Variants in DNAH6 observed in about 807,000 individuals in gnomAD.
The protein encoded by DNAH6 is dynein axonemal heavy chain 6, also known as axonemal beta dynein heavy chain 6.
DNAH6 carries 340 observed loss-of-function variants against 491.4 expected under a neutral mutation model. The observed-to-expected ratio is 0.69, with a 90% confidence interval of 0.63 to 0.76. The LOEUF is 0.76. Ranked by LOEUF, DNAH6 falls within the 30% of genes least tolerant of loss-of-function variation. The pLI is 0.00. For synonymous variants in DNAH6, 1,603 were observed against 1,686.1 expected (o/e 0.95, Z 1.21); for missense variants, 4,443 against 4,972.2 (o/e 0.89, Z 3.20).
chr2:84,670,258 C>A, intron 38 of DNAH6, 70 bp from the exon 39 acceptor site: 1 of 1,107,556 alleles, frequency 9.0e-7, no homozygotes, highest in South Asian at 1.6e-5. Context: ...ACTCATTGTG[C>A]CAAACTATTA....
At chr2:84,715,486 T>C (rs1697437988) in intron 57 of DNAH6, 74 bp from the exon 58 acceptor site, 2 of 1,400,060 alleles carry the variant, frequency 1.4e-6, no homozygotes, top group Non-Finnish European at 2.0e-6. Context: ...AGTAATGAGC[T>C]GTGTTCTAAT....
rs1178554404 is a variant in DNAH6, at chr2:84,713,190, CATTG to C, written c.9478_9481del (p.Asp3160MetfsTer9). On this transcript the variant is annotated frameshift_variant, in exon 57 of 77. Transcript: ENST00000389394. LOFTEE classifies it high-confidence loss of function. The stretch of plus-strand genomic sequence containing the variant: ...TACTCATCCGTCTTGGAGACTCAGA[CATTG>C]ATTATGACAAAAACTTTAGGTTCTA... 3.9e-6 allele frequency: 6 copies of C among 1,551,860 alleles called. No homozygotes were observed.
chr2:84,518,089 C>G lies in DNAH6; in HGVS notation c.225+38C>G, dbSNP rs1421482438. On this transcript the variant is annotated intron_variant, in intron 2 of 76. Coordinates refer to ENST00000389394, the MANE Select transcript of DNAH6 (RefSeq NM_001370.2). Reference sequence around the variant, plus strand: ...ACCATTGTTTTAGCCTCTGTAGCCACAGAGGAAGTTGTAAAATTGCTTTGG... The same window carrying G: ...ACCATTGTTTTAGCCTCTGTAGCCAGAGAGGAAGTTGTAAAATTGCTTTGG... 4.8e-6 allele frequency: 7 copies of G among 1,458,106 alleles called. No homozygotes were observed. In the South Asian group the frequency reaches 9.4e-5, roughly 20 times the overall value. The allele number at this position is 1,458,106 out of a possible 1,614,324, so 90.3% of individuals were successfully genotyped here. A position where few individuals can be genotyped will look rare whatever the true frequency, so the allele number is the denominator to read the frequency against.
At chr2:84,685,228 G>A (rs953229369) in intron 42 of DNAH6, 98 bp from the exon 43 acceptor site, 1 of 868,822 alleles carries the variant, frequency 1.2e-6, no homozygotes, top group Non-Finnish European at 1.6e-6. Context: ...GGCAATATGA[G>A]GGTAAAGTTG....
chr2:84,551,774 G>A (rs758515308), intron 9 of DNAH6, among the ~76,000 whole-genome samples: 21 of 152,176 alleles, frequency 1.4e-4, no homozygotes, highest in Non-Finnish European at 2.6e-4. Context: ...TAGGCCAGGC[G>A]TGGTGACTCA....
intron 58 of DNAH6, among the ~76,000 whole-genome samples, chr2:84,716,779 G>A (rs1697576848): frequency 6.6e-6 from 1 of 152,108 alleles, no homozygotes; most frequent in Admixed American, 6.5e-5. Context: ...AGAAATGCTG[G>A]GACTCAGTCA....
intron 62 of DNAH6, 47 bp from the exon 63 acceptor site, chr2:84,745,033 G>A (rs1172057484): frequency 3.2e-6 from 4 of 1,258,844 alleles, no homozygotes; most frequent in Non-Finnish European, 4.3e-6. Flanking sequence ...TAATTTCAAA[G>A]CCAAAACAAA....
the DNAH6 span, among the ~76,000 whole-genome samples, chr2:84,490,254 CTCTTTCTTTTCTTTCT>C: frequency 3.3e-5 from 5 of 152,070 alleles, no homozygotes; most frequent in Admixed American, 6.6e-5. Context: ...TTCTTTCTGA[CTCTTTCTTTTCTTTCT>C]TCTTTCTTTT....
At chr2:84,779,639 G>A (rs549029767) in intron 64 of DNAH6, among the ~76,000 whole-genome samples, 1 of 152,158 alleles carries the variant, frequency 6.6e-6, no homozygotes, top group South Asian at 2.1e-4. Flanking sequence ...TTATATCCAA[G>A]GTTAATATTG....
intron 41 of DNAH6, among the ~76,000 whole-genome samples, chr2:84,679,185 A>G (rs1205432099): frequency 6.6e-6 from 1 of 151,954 alleles, no homozygotes; most frequent in African/African-American, 2.4e-5. Flanking sequence ...TATATTATAT[A>G]TAATGTTTTC....
rs768770013 is a variant in DNAH6 at position 84,577,326 on chromosome 2, C to T, written c.1994C>T (p.Pro665Leu). The part of the protein sequence containing the change: ...KQHKDAVALR[P>L]TRNVGLLLID... Reference sequence around the variant, plus strand: ...CACAAGGACGCAGTAGCGCTCAGACCCACCAGAAATGTAGGATTGCTGCTC... The same window carrying T: ...CACAAGGACGCAGTAGCGCTCAGACTCACCAGAAATGTAGGATTGCTGCTC... The change falls in exon 13 of 77, where the codon CCC becomes CTC. Residue 665 changes from proline (P) to leucine (L), a missense_variant. By Grantham distance (98) the Pro-to-Leu change is moderately conservative (BLOSUM62 -3). Transcript: ENST00000389394. The T allele has an allele frequency of 6.2e-7, 1 of 1,611,718 alleles. No individual in the cohort carries two copies. Among genetic ancestry groups the T allele is most frequent in the Non-Finnish European group, 8.5e-7 (1 of 1,178,872 alleles).
At chr2:84,478,051 G>C in the DNAH6 span, among the ~76,000 whole-genome samples, 2 of 152,208 alleles carry the variant, frequency 1.3e-5, no homozygotes, top group African/African-American at 4.8e-5. Context: ...TTCCGGGGCT[G>C]ATGAGCCAGC....
chr2:84,644,117 A>G (rs1239920693), intron 33 of DNAH6, among the ~76,000 whole-genome samples: 5 of 152,268 alleles, frequency 3.3e-5, no homozygotes, highest in Middle Eastern at 3.4e-3. Flanking sequence ...ATGCCTTTGA[A>G]TGGTAGGCTT....
intron 64 of DNAH6, among the ~76,000 whole-genome samples, chr2:84,776,524 G>A (rs1330934330): frequency 6.6e-6 from 1 of 152,192 alleles, no homozygotes; most frequent in African/African-American, 2.4e-5. Flanking sequence ...TCCTATTGTA[G>A]CCTAGACAGT....
At chr2:84,560,879 T>G (rs1680597933) in intron 11 of DNAH6, among the ~76,000 whole-genome samples, 1 of 151,896 alleles carries the variant, frequency 6.6e-6, no homozygotes. Flanking sequence ...TTTGGGTTGG[T>G]TCCAAGTCTT....
intron 22 of DNAH6, among the ~76,000 whole-genome samples, chr2:84,613,725 G>A (rs913577229): frequency 6.6e-6 from 1 of 151,934 alleles, no homozygotes; most frequent in Middle Eastern, 3.2e-3. Flanking sequence ...GCTTGGCTTT[G>A]GTTTTGTACT....
At position 84,529,034 on chromosome 2, in the gene DNAH6, A is replaced by G. The variant is rs1676895981; in HGVS notation, c.530A>G (p.Glu177Gly). The change falls in exon 4 of 77, where the codon GAA (glutamate) becomes GGA (glycine). Residue 177 changes from glutamate (E) to glycine (G), a missense_variant. By Grantham distance (98) the Glu-to-Gly change is moderately conservative. This residue lies in a region of DNAH6 where 2,977 missense variants were observed against 3,296.6 expected (regional missense o/e 0.90). Transcript: ENST00000389394. The part of the protein sequence containing the change: ...YPKYTFHDRE[E>G]VVKANIRDPL... The stretch of plus-strand genomic sequence containing the variant: ...AAGTACACTTTTCACGACCGAGAAG[A>G]AGTTGTTAAAGCCAACATTCGTGAT... 1 of 1,551,392 alleles carries G rather than the reference A, an allele frequency of 6.4e-7. No homozygotes were observed. The highest frequency in any genetic ancestry group is 8.7e-7 in the Non-Finnish European group (1 of 1,146,800).
intron 63 of DNAH6, 116 bp from the exon 64 acceptor site, chr2:84,762,639 A>T: frequency 1.5e-6 from 1 of 687,252 alleles, no homozygotes; most frequent in Non-Finnish European, 2.4e-6. Flanking sequence ...CCCAATCAAG[A>T]CAGAATAAGT....
chr2:84,484,540 T>C, the DNAH6 span, among the ~76,000 whole-genome samples: 3 of 152,330 alleles, frequency 2.0e-5, 1 homozygote, highest in Middle Eastern at 3.4e-3. Context: ...TTGCCTCTTC[T>C]GGCTTCTAGA....
Sources: allele counts gnomAD v4.1 joint callset (sites outside exome capture counted in the v4.1 genomes callset), GRCh38; gene constraint gnomAD v4.1.1; regional missense constraint gnomAD v4.1.1; transcripts MANE v1.5; gene names NCBI Gene and HGNC (gene_info 2026-07-23, HGNC 2026-07-21).